JMY: variants seen among roughly 807,000 people sequenced by gnomAD.
JMY encodes the protein junction-mediating and -regulatory protein.
JMY carries 46 observed loss-of-function variants against 103.3 expected under a neutral mutation model. The observed-to-expected ratio is 0.45, with a 90% confidence interval of 0.35 to 0.57. The LOEUF is 0.57. Among genes scored for constraint, JMY ranks in the 20% least tolerant of loss-of-function variants. The pLI is 0.00. For synonymous variants in JMY, 526 were observed against 489.3 expected (o/e 1.07, Z -0.99); for missense variants, 1,238 against 1,255.2 (o/e 0.99, Z 0.21).
At chr5:79,296,212 C>T (rs1746557576) in intron 4 of JMY, among the ~76,000 whole-genome samples, 1 of 152,164 alleles carries the variant, frequency 6.6e-6, no homozygotes. Flanking sequence ...ATGAAAAGTT[C>T]AGATCACATT....
intron 6 of JMY, among the ~76,000 whole-genome samples, chr5:79,305,984 A>T (rs929595468): frequency 6.6e-6 from 1 of 152,232 alleles, no homozygotes; most frequent in Non-Finnish European, 1.5e-5. Flanking sequence ...ACTTGAGGCC[A>T]GGAGTTCAAG....
intron 2 of JMY, among the ~76,000 whole-genome samples, chr5:79,281,977 G>A (rs1279368637): frequency 1.3e-5 from 2 of 152,062 alleles, no homozygotes; most frequent in African/African-American, 2.4e-5. Flanking sequence ...AGGCCGAGGC[G>A]GGCGGATCAC....
In JMY at chr5:79,290,229, CT is replaced by C; in HGVS notation, c.1317del (p.Thr440LeufsTer7). 1 of 1,558,842 alleles carries C rather than the reference CT, an allele frequency of 6.4e-7. No individual in the cohort carries two copies. The highest frequency in any genetic ancestry group is 8.7e-7 in the Non-Finnish European group (1 of 1,149,478). On this transcript the variant is annotated frameshift_variant, in exon 3 of 11. Coordinates refer to ENST00000396137, the MANE Select transcript of JMY (RefSeq NM_152405.5). LOFTEE classifies it high-confidence loss of function. The part of the protein sequence containing the change: ...AHMAVLSIQD[L>X]TVKYFEITAK... ...CATGGCTGTACTGTCTATTCAAGATCTTACTGTCAAGTACTTTGAAATAACA... is the reference window on the plus strand; with the variant it reads ...CATGGCTGTACTGTCTATTCAAGATCTACTGTCAAGTACTTTGAAATAACA...
intron 2 of JMY, among the ~76,000 whole-genome samples, chr5:79,289,745 C>T (rs1429111197): frequency 6.6e-6 from 1 of 150,464 alleles, no homozygotes; most frequent in Non-Finnish European, 1.5e-5. Context: ...TATATAGTGG[C>T]TGTTAAGGAA....
rs1458946802 is a variant in JMY, at chr5:79,236,836, G to A, written c.186G>A (p.Ala62=). The A allele has an allele frequency of 6.9e-7, 1 of 1,451,994 alleles. No individual in the cohort carries two copies. The highest frequency in any genetic ancestry group is 2.5e-5 in the Admixed American group (1 of 40,678). 89.9% of individuals were successfully genotyped at this position (1,451,994 alleles called of 1,614,324 possible). A position where few individuals can be genotyped will look rare whatever the true frequency, so the allele number is the denominator to read the frequency against. Residue 62 remains alanine, a synonymous_variant, in exon 1 of 11, where the codon GCG becomes GCA. Transcript: ENST00000396137. Reference sequence around the variant, plus strand: ...AGAGGAGCGGCTCCCGGGAGCAAGCGGGGGCGCGAGGGGGCGCCGAGGCCG... The same window carrying A: ...AGAGGAGCGGCTCCCGGGAGCAAGCAGGGGCGCGAGGGGGCGCCGAGGCCG... The part of the protein sequence containing the change: ...QRQRSGSREQ[A]GARGGAEAGG...
At chr5:79,318,990 A>C (rs1220743810) in intron 10 of JMY, among the ~76,000 whole-genome samples, 1 of 151,940 alleles carries the variant, frequency 6.6e-6, no homozygotes, top group East Asian at 1.9e-4. Flanking sequence ...TGCACTGACT[A>C]ATTCCACAGC....
intron 1 of JMY, among the ~76,000 whole-genome samples, chr5:79,254,381 CTT>C (rs1340352595): frequency 6.6e-6 from 1 of 152,226 alleles, no homozygotes; most frequent in East Asian, 1.9e-4. Flanking sequence ...CAGGGAAAGT[CTT>C]TATTTTCTCC....
chr5:79,301,442 C>G (rs1054766251), intron 6 of JMY, among the ~76,000 whole-genome samples: 1 of 152,188 alleles, frequency 6.6e-6, no homozygotes, highest in Non-Finnish European at 1.5e-5. Flanking sequence ...GCTTTAAGCT[C>G]AAGTATTATA....
intron 4 of JMY, among the ~76,000 whole-genome samples, chr5:79,298,098 TAC>T (rs1390851940): frequency 6.6e-6 from 1 of 152,110 alleles, no homozygotes; most frequent in African/African-American, 2.4e-5. Flanking sequence ...GAGAGAAACT[TAC>T]AGAGTGCTAG....
At chr5:79,304,848 C>T (rs964679051) in intron 6 of JMY, among the ~76,000 whole-genome samples, 2 of 152,132 alleles carry the variant, frequency 1.3e-5, no homozygotes, top group South Asian at 2.1e-4. Context: ...GATTGTGGAC[C>T]TGTATCCTCA....
At chr5:79,298,004 T>G (rs2112104794) in intron 4 of JMY, among the ~76,000 whole-genome samples, 1 of 152,318 alleles carries the variant, frequency 6.6e-6, no homozygotes, top group Middle Eastern at 3.4e-3. Flanking sequence ...TACTGTTCTC[T>G]TTGTGGTTGA....
intron 1 of JMY, among the ~76,000 whole-genome samples, chr5:79,263,679 A>T (rs1745493694): frequency 6.6e-6 from 1 of 150,844 alleles, no homozygotes; most frequent in Admixed American, 6.6e-5. Context: ...GCCTGTGGCC[A>T]CTAAAATTTT....
At chr5:79,302,533 G>C (rs1374521477) in intron 6 of JMY, among the ~76,000 whole-genome samples, 2 of 152,126 alleles carry the variant, frequency 1.3e-5, no homozygotes, top group African/African-American at 4.8e-5. Flanking sequence ...AAATTGGCCA[G>C]ATTGATGGTG....
In JMY at chr5:79,321,775, A is replaced by G. The variant is rs1159396776; in HGVS notation, c.*173A>G. 1 of 152,230 alleles carries G rather than the reference A, an allele frequency of 6.6e-6. No individual in the cohort carries two copies. Among genetic ancestry groups the G allele is most frequent in the African/African-American group, 2.4e-5 (1 of 41,456 alleles). 9.4% of individuals were successfully genotyped at this position (152,230 alleles called of 1,614,324 possible). A position where few individuals can be genotyped will look rare whatever the true frequency, so the allele number is the denominator to read the frequency against. The stretch of plus-strand genomic sequence containing the variant: ...CAGGTTATCACTTTCCAGTCGTTCC[A>G]ATAGATGATGGTTAACATGAATTTT... On this transcript the variant is annotated 3_prime_UTR_variant, in exon 11 of 11. Transcript: ENST00000396137.
intron 4 of JMY, 83 bp downstream of exon 4, chr5:79,291,382 C>T (rs533530811): frequency 4.7e-5 from 56 of 1,198,890 alleles, no homozygotes; most frequent in South Asian, 1.4e-4. Context: ...TTTTTTGATT[C>T]GATAGGCAGT....
intron 1 of JMY, among the ~76,000 whole-genome samples, chr5:79,244,069 C>T (rs138460416): frequency 0.021 from 3,108 of 148,642 alleles, 128 homozygotes; most frequent in African/African-American, 0.072. Flanking sequence ...GGTGTGATCT[C>T]GGCTCACTGC....
Position 79,237,541 on chromosome 5 carries a change from G to T in JMY, c.891G>T (p.Leu297=). Residue 297 remains leucine, a synonymous_variant, in exon 1 of 11, where the codon CTG becomes CTT. Transcript: ENST00000396137. Reference sequence around the variant, plus strand: ...TCCAGGTCTACCTGGGCCACGGCCTGGACACCTGCGGCTGGAAGATCCTCT... The same window carrying T: ...TCCAGGTCTACCTGGGCCACGGCCTTGACACCTGCGGCTGGAAGATCCTCT... ...YQLQVYLGHG[L]DTCGWKILSQ... The T allele has an allele frequency of 6.2e-7, 1 of 1,613,700 alleles. No individual in the cohort carries two copies. The highest frequency in any genetic ancestry group is 8.5e-7 in the Non-Finnish European group (1 of 1,180,022).
chr5:79,285,058 A>AC, intron 2 of JMY: 1 of 590,678 alleles, frequency 1.7e-6, no homozygotes. Context: ...ATCTTGATCA[A>AC]CCATAAGCAC....
intron 4 of JMY, among the ~76,000 whole-genome samples, chr5:79,299,043 C>T (rs1284420645): frequency 6.6e-6 from 1 of 152,168 alleles, no homozygotes; most frequent in Non-Finnish European, 1.5e-5. Flanking sequence ...AGTGATGTCT[C>T]ACATGAGCTC....
Sources: allele counts gnomAD v4.1 joint callset (sites outside exome capture counted in the v4.1 genomes callset), GRCh38; gene constraint gnomAD v4.1.1; transcripts MANE v1.5; gene names NCBI Gene and HGNC (gene_info 2026-07-23, HGNC 2026-07-21).